The following INPP4B variants were observed in gnomAD, a reference collection of about 807,000 sequenced individuals.
INPP4B encodes the protein inositol polyphosphate 4-phosphatase type II.
In INPP4B, 55 loss-of-function variants were observed where a neutral mutation model predicts 122.5. That is an observed-to-expected ratio of 0.45 (90% CI 0.36 to 0.56). INPP4B has a LOEUF of 0.56. Among genes scored for constraint, INPP4B ranks in the 20% least tolerant of loss-of-function variants. The probability of loss-of-function intolerance (pLI) is 0.00; values close to 1 mark genes in which losing one functional copy is unlikely to be tolerated. For missense variants in INPP4B, 1,000 were observed against 1,097.7 expected, an observed-to-expected ratio of 0.91 and a Z score of 1.26; for synonymous variants, 403 against 388.7, an observed-to-expected ratio of 1.04 and a Z score of -0.43.
At chr4:142,185,802 C>T (rs1487486033) in intron 15 of INPP4B, among the ~76,000 whole-genome samples, 1 of 148,856 alleles carries the variant, frequency 6.7e-6, no homozygotes, top group African/African-American at 2.5e-5. Context: ...TGGTGTGAAC[C>T]TGAGAGGCGG....
chr4:142,071,547 G>T (rs1225725571), intron 25 of INPP4B, among the ~76,000 whole-genome samples: 1 of 152,068 alleles, frequency 6.6e-6, no homozygotes, highest in Non-Finnish European at 1.5e-5. Flanking sequence ...GAGTGAACAG[G>T]CAACCTACAG....
At chr4:142,679,745 G>A (rs922154037) in intron 2 of INPP4B, among the ~76,000 whole-genome samples, 5 of 151,520 alleles carry the variant, frequency 3.3e-5, no homozygotes, top group Admixed American at 6.6e-5. Flanking sequence ...ACTCTCTATC[G>A]GATAACTTTT....
At chr4:142,625,283 G>A (rs1390564893) in intron 2 of INPP4B, among the ~76,000 whole-genome samples, 3 of 152,016 alleles carry the variant, frequency 2.0e-5, no homozygotes, top group Non-Finnish European at 4.4e-5. Context: ...CTTCAGCAAA[G>A]TCTCAGGATA....
intron 7 of INPP4B, among the ~76,000 whole-genome samples, chr4:142,331,265 G>A (rs1774389233): frequency 6.6e-6 from 1 of 152,150 alleles, no homozygotes; most frequent in Admixed American, 6.5e-5. Context: ...CCAGCTACTA[G>A]CTTGAGATCG....
chr4:142,551,157 A>G (rs1727891081), intron 2 of INPP4B, among the ~76,000 whole-genome samples: 2 of 152,294 alleles, frequency 1.3e-5, no homozygotes, highest in Admixed American at 1.3e-4. Flanking sequence ...CCCAGCAAGC[A>G]CACATTCTTT....
At chr4:142,058,491 C>G (rs972522160) in intron 25 of INPP4B, among the ~76,000 whole-genome samples, 1 of 152,062 alleles carries the variant, frequency 6.6e-6, no homozygotes, top group Admixed American at 6.6e-5. Context: ...TTCAGGTCCT[C>G]TGTTGTCTAT....
chr4:142,047,460 A>T (rs1176682894), intron 25 of INPP4B, among the ~76,000 whole-genome samples: 1 of 151,940 alleles, frequency 6.6e-6, no homozygotes, highest in African/African-American at 2.4e-5. Flanking sequence ...TTCAACTCAG[A>T]CTGTTAAATT....
intron 7 of INPP4B, among the ~76,000 whole-genome samples, chr4:142,393,787 G>T (rs916084459): frequency 6.6e-6 from 1 of 152,198 alleles, no homozygotes; most frequent in Non-Finnish European, 1.5e-5. Context: ...GGCAAAGGCC[G>T]ATCTGTAACC....
intron 2 of INPP4B, among the ~76,000 whole-genome samples, chr4:142,665,391 G>A (rs1755847161): frequency 6.6e-6 from 1 of 151,912 alleles, no homozygotes; most frequent in African/African-American, 2.4e-5. Context: ...CTACTCGGGA[G>A]GCTGAGGCAG....
At chr4:142,566,667 T>A (rs1475671438) in intron 2 of INPP4B, among the ~76,000 whole-genome samples, 1 of 152,186 alleles carries the variant, frequency 6.6e-6, no homozygotes, top group Non-Finnish European at 1.5e-5. Flanking sequence ...ATGTAACTTG[T>A]CCAGTGTTAC....
chr4:142,219,797 A>G (rs1848651854), intron 12 of INPP4B, among the ~76,000 whole-genome samples: 1 of 152,176 alleles, frequency 6.6e-6, no homozygotes, highest in Admixed American at 6.5e-5. Context: ...ACCAGGCTCT[A>G]TTGAATATTC....
intron 2 of INPP4B, among the ~76,000 whole-genome samples, chr4:142,511,135 C>T (rs1335272540): frequency 6.6e-6 from 1 of 152,052 alleles, no homozygotes; most frequent in Non-Finnish European, 1.5e-5. Context: ...GTTCAATATA[C>T]TATTCCTATT....
intron 2 of INPP4B, among the ~76,000 whole-genome samples, chr4:142,703,211 T>C (rs796777419): frequency 2.6e-5 from 4 of 152,354 alleles, no homozygotes; most frequent in African/African-American, 9.6e-5. Context: ...ACTCTCACAA[T>C]GTCCTCAACT....
At chr4:142,160,949 G>A (rs1696909346) in intron 16 of INPP4B, among the ~76,000 whole-genome samples, 1 of 151,908 alleles carries the variant, frequency 6.6e-6, no homozygotes, top group South Asian at 2.1e-4. Context: ...AATGTAATCA[G>A]TCTATGTGTA....
At chr4:142,826,310 C>T (rs1781451905) in intron 1 of INPP4B, among the ~76,000 whole-genome samples, 1 of 152,090 alleles carries the variant, frequency 6.6e-6, no homozygotes, top group Non-Finnish European at 1.5e-5. Context: ...TTCGTTTTTA[C>T]TATTCTTGCA....
intron 2 of INPP4B, among the ~76,000 whole-genome samples, chr4:142,635,836 C>A (rs1456509984): frequency 6.6e-6 from 1 of 152,088 alleles, no homozygotes; most frequent in Non-Finnish European, 1.5e-5. Flanking sequence ...AACAAACCTT[C>A]ACATGTACCC....
chr4:142,650,812 C>T (rs546929406), intron 2 of INPP4B, among the ~76,000 whole-genome samples: 98 of 152,224 alleles, frequency 6.4e-4, no homozygotes, highest in South Asian at 1.2e-3. Flanking sequence ...GACAGATCAA[C>T]GAGACAGAAG....
At chr4:142,776,340 G>A (rs565149755) in intron 1 of INPP4B, among the ~76,000 whole-genome samples, 3 of 152,048 alleles carry the variant, frequency 2.0e-5, no homozygotes, top group Non-Finnish European at 4.4e-5. Flanking sequence ...CTGAAATGAA[G>A]GTTTTTCTTC....
chr4:142,163,313 G>A (rs1038957650), intron 16 of INPP4B, among the ~76,000 whole-genome samples: 4 of 151,858 alleles, frequency 2.6e-5, no homozygotes, highest in Non-Finnish European at 5.9e-5. Context: ...AGATTGTCTG[G>A]GATATAAATC....
Sources: allele counts gnomAD v4.1 joint callset (sites outside exome capture counted in the v4.1 genomes callset), GRCh38; gene constraint gnomAD v4.1.1; transcripts MANE v1.5; gene names NCBI Gene and HGNC (gene_info 2026-07-23, HGNC 2026-07-21).